Variants in ABLIM2 observed in about 807,000 individuals in gnomAD.
ABLIM2 encodes the protein actin-binding LIM protein 2.
A neutral mutation model predicts 97.7 loss-of-function variants in ABLIM2; 53 were observed. The observed-to-expected ratio is 0.54, with a 90% CI of 0.44 to 0.68. The LOEUF (loss-of-function observed/expected upper bound fraction) is 0.68. Among genes scored for constraint, ABLIM2 ranks in the 30% least tolerant of loss-of-function variants. The probability of loss-of-function intolerance (pLI) is 0.00; values close to 1 mark genes in which losing one functional copy is unlikely to be tolerated. For missense variants in ABLIM2, 835 were observed against 867.2 expected, an observed-to-expected ratio of 0.96 and a Z score of 0.47; for synonymous variants, 361 against 345.8, an observed-to-expected ratio of 1.04 and a Z score of -0.49.
Position 8,069,964 on chromosome 4 carries a change from C to A in ABLIM2, c.675+7664G>T, listed in dbSNP as rs767968045. Among the ~76,000 whole-genome samples, 1 of 151,668 alleles carries A rather than the reference C, an allele frequency of 6.6e-6. No homozygotes were observed. The highest frequency in any genetic ancestry group is 1.5e-5 in the Non-Finnish European group (1 of 67,938). On this transcript the variant is annotated intron_variant, in intron 6 of 20. Coordinates refer to ENST00000447017, the MANE Select transcript of ABLIM2 (RefSeq NM_001130083.2). The surrounding 1 kb of genome is among the most constrained non-coding windows in gnomAD (Gnocchi z 4.2). Reference sequence around the variant, plus strand: ...CATGTGTGTTGTTTGTGTGCCTAAGCGTGCTGTCTGCACGTCTTGTATGTG... The same window carrying A: ...CATGTGTGTTGTTTGTGTGCCTAAGAGTGCTGTCTGCACGTCTTGTATGTG...
intron 16 of ABLIM2, chr4:8,007,854 C>G (rs1283258519): frequency 7.3e-7 from 1 of 1,376,746 alleles, no homozygotes; most frequent in Non-Finnish European, 9.4e-7. Flanking sequence ...CGTTAGCACA[C>G]TGGCTCGGGG....
chr4:8,084,447 G>A (rs1396529050), intron 4 of ABLIM2, among the ~76,000 whole-genome samples: 1 of 152,154 alleles, frequency 6.6e-6, no homozygotes, highest in Non-Finnish European at 1.5e-5. Flanking sequence ...GCTCTGGTTT[G>A]GGCACCCACC....
At chr4:8,154,417 G>T (rs1714531502) in intron 1 of ABLIM2, among the ~76,000 whole-genome samples, 1 of 150,306 alleles carries the variant, frequency 6.7e-6, no homozygotes, top group Non-Finnish European at 1.5e-5. Flanking sequence ...GAGTAGTGGG[G>T]ATTACAGGCA....
intron 17 of ABLIM2, among the ~76,000 whole-genome samples, chr4:7,988,620 C>T (rs948679659): frequency 1.7e-4 from 26 of 152,142 alleles, no homozygotes; most frequent in African/African-American, 4.1e-4. Flanking sequence ...CAGCAGCTAG[C>T]GACATGGAAG....
intron 1 of ABLIM2, among the ~76,000 whole-genome samples, chr4:8,158,257 G>T (rs980308193): frequency 6.6e-6 from 1 of 152,180 alleles, no homozygotes. Flanking sequence ...CAAGGGCGGC[G>T]CCCCCAGCTG....
At position 7,996,659 on chromosome 4, in the gene ABLIM2, G is replaced by A. The variant is rs765506171; in HGVS notation, c.1619-3732C>T. Reference sequence around the variant, plus strand: ...TGTCCCCGGTTTTACCTATTCCGACGTTCTTCTTTCCTTTCTGAAGTTCCA... The same window carrying A: ...TGTCCCCGGTTTTACCTATTCCGACATTCTTCTTTCCTTTCTGAAGTTCCA... On this transcript the variant is annotated intron_variant, in intron 16 of 20. Transcript: ENST00000447017. This position sits in a 1 kb window ranked among gnomAD's most constrained non-coding sequence, Gnocchi z 4.5. Among the ~76,000 whole-genome samples, 8 of 152,188 alleles carry A rather than the reference G, an allele frequency of 5.3e-5. No individual in the cohort carries two copies. The highest frequency in any genetic ancestry group is 2.6e-4 in the Admixed American group (4 of 15,272).
At chr4:7,976,762 TACAG>T (rs1406266575) in intron 20 of ABLIM2, among the ~76,000 whole-genome samples, 6 of 151,760 alleles carry the variant, frequency 4.0e-5, no homozygotes, top group Non-Finnish European at 1.5e-5. Context: ...CACACACATA[TACAG>T]ACACATATAC....
chr4:8,056,108 G>T (rs371155800), intron 7 of ABLIM2, among the ~76,000 whole-genome samples: 2 of 29,762 alleles, frequency 6.7e-5, no homozygotes, highest in Non-Finnish European at 1.2e-4. Flanking sequence ...GCAAGACTCT[G>T]TCTCAAAAAA....
At position 8,041,986 on chromosome 4, in the gene ABLIM2, C is replaced by A. The variant is rs531486668; in HGVS notation, c.900+3178G>T. Among the ~76,000 whole-genome samples, 11 of 152,264 alleles carry A rather than the reference C, an allele frequency of 7.2e-5. No homozygotes were observed. The South Asian group carries it at 2.3e-3, about 32-fold the overall frequency. On this transcript the variant is annotated intron_variant, in intron 9 of 20. Transcript: ENST00000447017. ...GTTCCAACAACAACAGCAGCAACAACAGCAACAGCAACAGCTACCACGAAT... is the reference window on the plus strand; with the variant it reads ...GTTCCAACAACAACAGCAGCAACAAAAGCAACAGCAACAGCTACCACGAAT...
rs76285097 is a variant in ABLIM2 at position 7,996,009 on chromosome 4, G to C, written c.1619-3082C>G. ...CAAGGCCTCCTGCCTTGCAGTCCTG[G>C]GGTCCTCCAGGAGACACCTTCCTCC... On this transcript the variant is annotated intron_variant, in intron 16 of 20. Transcript: ENST00000447017. This position sits in a 1 kb window ranked among gnomAD's most constrained non-coding sequence, Gnocchi z 4.5. Among the ~76,000 whole-genome samples, 4,918 of 152,214 alleles carry C rather than the reference G, an allele frequency of 0.032. 225 individuals are homozygous for C. Among genetic ancestry groups the C allele is most frequent in the African/African-American group, 0.1 (4,214 of 41,536 alleles).
chr4:8,102,554 GA>G (rs1164386393), intron 2 of ABLIM2, among the ~76,000 whole-genome samples: 1 of 152,184 alleles, frequency 6.6e-6, no homozygotes, highest in Non-Finnish European at 1.5e-5. Context: ...GTTATTGAAT[GA>G]CTTTTACTTA....
At chr4:8,136,182 C>T (rs564841865) in intron 1 of ABLIM2, among the ~76,000 whole-genome samples, 2 of 152,318 alleles carry the variant, frequency 1.3e-5, no homozygotes, top group Non-Finnish European at 2.9e-5. Flanking sequence ...GGACACCATG[C>T]CCAGTCCCAG....
At chr4:7,969,599 G>C (rs1247464990) in intron 20 of ABLIM2, among the ~76,000 whole-genome samples, 1 of 152,148 alleles carries the variant, frequency 6.6e-6, no homozygotes, top group Non-Finnish European at 1.5e-5. Context: ...CACCAAATCT[G>C]TGTGGTATGC....
At chr4:7,991,382 G>A (rs1324135751) in intron 17 of ABLIM2, among the ~76,000 whole-genome samples, 1 of 141,672 alleles carries the variant, frequency 7.1e-6, no homozygotes, top group East Asian at 2.1e-4. Context: ...CACTCGGATG[G>A]TGGAACACCT....
intron 9 of ABLIM2, among the ~76,000 whole-genome samples, chr4:8,037,826 G>A (rs928131331): frequency 2.0e-5 from 3 of 152,226 alleles, no homozygotes; most frequent in Non-Finnish European, 2.9e-5. Flanking sequence ...CCACAGTGGC[G>A]CTCCTGCCCT....
At chr4:7,974,044 C>G (rs1485180505) in intron 20 of ABLIM2, among the ~76,000 whole-genome samples, 1 of 152,200 alleles carries the variant, frequency 6.6e-6, no homozygotes, top group Non-Finnish European at 1.5e-5. Context: ...CCTGGAATAT[C>G]AACTCCTGCC....
chr4:8,007,840 C>T (rs892323547), intron 16 of ABLIM2: 12 of 1,352,000 alleles, frequency 8.9e-6, no homozygotes, highest in Non-Finnish European at 1.0e-5. Context: ...GCAGGCGTGG[C>T]CCTCGTTAGC....
At chr4:8,031,698 T>C (rs1349670900) in intron 10 of ABLIM2, among the ~76,000 whole-genome samples, 2 of 151,618 alleles carry the variant, frequency 1.3e-5, no homozygotes, top group Non-Finnish European at 1.5e-5. Flanking sequence ...TGCCTCTGGG[T>C]GTCGTGGTGG....
At chr4:8,110,862 T>C (rs1322348370) in intron 1 of ABLIM2, among the ~76,000 whole-genome samples, 1 of 152,202 alleles carries the variant, frequency 6.6e-6, no homozygotes, top group East Asian at 1.9e-4. Context: ...TCCTACAGGC[T>C]TCCCTCCAGC....
Sources: allele counts gnomAD v4.1 joint callset (sites outside exome capture counted in the v4.1 genomes callset), GRCh38; gene constraint gnomAD v4.1.1; non-coding constraint Gnocchi (gnomAD v3.1); transcripts MANE v1.5; gene names NCBI Gene and HGNC (gene_info 2026-07-23, HGNC 2026-07-21).